Variants in UEVLD observed in about 807,000 individuals in gnomAD.
The protein encoded by UEVLD is UEV and lactate/malate dehyrogenase domains.
Under a neutral mutation model 58.6 loss-of-function variants are expected in UEVLD, and 47 were observed. That is an observed-to-expected ratio of 0.80 (90% CI 0.63 to 1.02). UEVLD has a LOEUF of 1.02. UEVLD is among the 50% of genes least tolerant of loss of function. The pLI is 0.00. For synonymous variants in UEVLD, 197 were observed against 195.3 expected, an observed-to-expected ratio of 1.01 and a Z score of -0.07; for missense variants, 510 against 550.6, an observed-to-expected ratio of 0.93 and a Z score of 0.74.
At position 18,588,688 on chromosome 11, in the gene UEVLD, C is replaced by T; in HGVS notation, c.-34G>A. ...CGGTCCCGAGCTAGGTCCCAGGACT[C>T]CAGCCCCCGGACCTTCTTCCGGACT... On this transcript the variant is annotated 5_prime_UTR_variant, in exon 1 of 12. Coordinates refer to ENST00000396197, the MANE Select transcript of UEVLD (RefSeq NM_001040697.4). 1 of 1,603,116 alleles carries T rather than the reference C, an allele frequency of 6.2e-7. No homozygotes were observed. The highest frequency in any genetic ancestry group is 1.1e-5 in the South Asian group (1 of 90,644).
At chr11:18,563,096 T>C (rs1197421932) in intron 6 of UEVLD, among the ~76,000 whole-genome samples, 1 of 136,298 alleles carries the variant, frequency 7.3e-6, no homozygotes, top group Non-Finnish European at 1.6e-5. Context: ...TGCCTTCTTG[T>C]GCTTACCAAA....
At chr11:18,566,083 G>C (rs1287329243) in intron 5 of UEVLD, among the ~76,000 whole-genome samples, 1 of 151,664 alleles carries the variant, frequency 6.6e-6, no homozygotes, top group Non-Finnish European at 1.5e-5. Flanking sequence ...ATTTTTAGTA[G>C]AGATAGGGTT....
intron 2 of UEVLD, among the ~76,000 whole-genome samples, chr11:18,576,720 T>C (rs1852931793): frequency 6.6e-6 from 1 of 151,936 alleles, no homozygotes; most frequent in Admixed American, 6.6e-5. Context: ...CATCTGATCT[T>C]GTGGCCCCAA....
At chr11:18,549,843 T>TGGC (rs1851452198) in intron 7 of UEVLD, among the ~76,000 whole-genome samples, 2 of 150,986 alleles carry the variant, frequency 1.3e-5, no homozygotes, top group Non-Finnish European at 3.0e-5. Context: ...TTTTTTGAGA[T>TGGC]GGAGTTTTGC....
chr11:18,558,688 G>A (rs1436770989), intron 6 of UEVLD, among the ~76,000 whole-genome samples: 3 of 151,418 alleles, frequency 2.0e-5, no homozygotes, highest in Admixed American at 6.6e-5. Flanking sequence ...GGAGGCTGAG[G>A]CAGGAGAATC....
chr11:18,558,214 C>T lies in UEVLD; in HGVS notation c.715+14G>A. The T allele has an allele frequency of 1.3e-6, 2 of 1,594,156 alleles. No homozygotes were observed. ...ATCTAATAAGGCATACATCTTTAAG[C>T]AGAATAAACAGACCTTTGCTGATCT... On this transcript the variant is annotated intron_variant, in intron 7 of 11. Coordinates refer to ENST00000396197, the MANE Select transcript of UEVLD (RefSeq NM_001040697.4).
intron 9 of UEVLD, 145 bp downstream of exon 9, chr11:18,544,478 T>A (rs987733094): frequency 2.4e-6 from 2 of 838,162 alleles, no homozygotes; most frequent in Non-Finnish European, 3.6e-6. Context: ...TGGCTAATTT[T>A]TTATCTTTTT....
chr11:18,586,843 A>G (rs1853585515), intron 1 of UEVLD, among the ~76,000 whole-genome samples: 1 of 152,304 alleles, frequency 6.6e-6, no homozygotes, highest in South Asian at 2.1e-4. Flanking sequence ...AGCCTGGCCA[A>G]TATGACGAAA....
At chr11:18,568,902 T>A (rs1343641976) in intron 4 of UEVLD, among the ~76,000 whole-genome samples, 1 of 147,824 alleles carries the variant, frequency 6.8e-6, no homozygotes, top group African/African-American at 2.5e-5. Flanking sequence ...TATAAACATA[T>A]TTTTTTTTTT....
intron 4 of UEVLD, among the ~76,000 whole-genome samples, chr11:18,568,592 CTTAT>C: frequency 6.6e-6 from 1 of 152,302 alleles, no homozygotes; most frequent in South Asian, 2.1e-4. Context: ...AACTGGCAAT[CTTAT>C]TTAAATCATC....
intron 9 of UEVLD, among the ~76,000 whole-genome samples, chr11:18,537,585 CCT>C (rs1360390887): frequency 2.6e-5 from 4 of 151,828 alleles, no homozygotes; most frequent in African/African-American, 9.7e-5. Flanking sequence ...CCCACCTTGG[CCT>C]CCCAAAGTGC....
At chr11:18,582,696 C>G (rs1379315534) in intron 1 of UEVLD, among the ~76,000 whole-genome samples, 1 of 152,100 alleles carries the variant, frequency 6.6e-6, no homozygotes, top group African/African-American at 2.4e-5. Flanking sequence ...AGATTCCATA[C>G]TGGTCCTCAC....
At chr11:18,567,599 A>C in intron 4 of UEVLD, among the ~76,000 whole-genome samples, 1 of 152,248 alleles carries the variant, frequency 6.6e-6, no homozygotes, top group Non-Finnish European at 1.5e-5. Flanking sequence ...ATTCAAATTT[A>C]CATTAAGAAC....
intron 3 of UEVLD, among the ~76,000 whole-genome samples, chr11:18,573,112 A>G (rs1160153652): frequency 6.6e-6 from 1 of 152,232 alleles, no homozygotes; most frequent in Non-Finnish European, 1.5e-5. Flanking sequence ...ACCCCAGCAT[A>G]AGAATCAATG....
intron 7 of UEVLD, among the ~76,000 whole-genome samples, chr11:18,551,409 TA>T (rs780440265): frequency 0.12 from 15,784 of 130,488 alleles, 1,133 homozygotes; most frequent in South Asian, 0.25. Context: ...GGCAACCGAG[TA>T]AGACTCCATC....
At chr11:18,534,762 A>C (rs1237058710) in intron 10 of UEVLD, among the ~76,000 whole-genome samples, 2 of 152,252 alleles carry the variant, frequency 1.3e-5, no homozygotes, top group Non-Finnish European at 2.9e-5. Flanking sequence ...AAAATTAAAA[A>C]GACTGATAAC....
In UEVLD at chr11:18,549,038, TTAATC is replaced by T. The variant is rs1321841637; in HGVS notation, c.716-1993_716-1989del. ...AACAGTTCTCCATAAATTTATTTGT[TTAATC>T]TAATCAACAATACACAATGGAGTAT... On this transcript the variant is annotated intron_variant, in intron 7 of 11. Coordinates refer to ENST00000396197, the MANE Select transcript of UEVLD (RefSeq NM_001040697.4). Among the ~76,000 whole-genome samples the T allele has an allele frequency of 2.0e-5, 3 of 152,374 alleles. No homozygotes were observed. The East Asian group carries it at 5.8e-4, about 29-fold the overall frequency.
chr11:18,554,645 G>A (rs550797194), intron 7 of UEVLD, among the ~76,000 whole-genome samples: 67 of 152,038 alleles, frequency 4.4e-4, no homozygotes, highest in African/African-American at 1.5e-3. Flanking sequence ...TGATCCACCC[G>A]CCTCGGCCTC....
chr11:18,580,312 T>C (rs1423239895), intron 1 of UEVLD, among the ~76,000 whole-genome samples: 1 of 152,118 alleles, frequency 6.6e-6, no homozygotes, highest in Non-Finnish European at 1.5e-5. Context: ...AAAGACTAAA[T>C]ACAGAGTCAG....
Sources: gnomAD v4.1 joint callset for allele counts (sites outside exome capture counted in the v4.1 genomes callset) on GRCh38, gnomAD v4.1.1 for gene constraint, MANE v1.5 for transcripts, NCBI Gene and HGNC (gene_info 2026-07-23, HGNC 2026-07-21) for gene names.